The following KCNG3 variants were observed in gnomAD, a reference collection of about 807,000 sequenced individuals.
The protein encoded by KCNG3 is voltage-gated potassium channel regulatory subunit KCNG3.
KCNG3 carries 15 observed loss-of-function variants against 29.0 expected under a neutral mutation model. The observed-to-expected ratio is 0.52, with a 90% CI of 0.35 to 0.80. KCNG3 has a LOEUF of 0.80. Ranked by LOEUF, KCNG3 falls within the 30% of genes least tolerant of loss-of-function variation. The probability of loss-of-function intolerance (pLI) is 0.01; values close to 1 mark genes in which losing one functional copy is unlikely to be tolerated. For synonymous variants in KCNG3, 322 were observed against 248.9 expected (o/e 1.29, Z -2.76); for missense variants, 512 against 605.7 (o/e 0.85, Z 1.62).
chr2:42,398,117 G>C, the KCNG3 span, among the ~76,000 whole-genome samples: 2 of 152,018 alleles, frequency 1.3e-5, no homozygotes, highest in African/African-American at 4.8e-5. Context: ...CAGCTACTCG[G>C]AAGGCTGAGG....
At chr2:42,483,406 T>A (rs1673640478) in intron 1 of KCNG3, among the ~76,000 whole-genome samples, 1 of 152,210 alleles carries the variant, frequency 6.6e-6, no homozygotes, top group Non-Finnish European at 1.5e-5. Flanking sequence ...TTTGCAAGGA[T>A]ATGTGGAAAT....
chr2:42,398,213 ACT>A, the KCNG3 span, among the ~76,000 whole-genome samples: 4 of 149,838 alleles, frequency 2.7e-5, no homozygotes, highest in African/African-American at 9.8e-5. Flanking sequence ...ACAGAGCGAG[ACT>A]CTGTCTCAAA....
the KCNG3 span, among the ~76,000 whole-genome samples, chr2:42,390,058 G>A: frequency 5.3e-5 from 8 of 152,180 alleles, no homozygotes; most frequent in Non-Finnish European, 8.8e-5. Flanking sequence ...CCAAGGGGAA[G>A]GCTCTCTATG....
At chr2:42,480,089 C>T (rs1196318085) in intron 1 of KCNG3, among the ~76,000 whole-genome samples, 1 of 152,184 alleles carries the variant, frequency 6.6e-6, no homozygotes, top group Non-Finnish European at 1.5e-5. Context: ...TGATATCCCA[C>T]ACCAACCATA....
chr2:42,484,487 A>G (rs1673671867), intron 1 of KCNG3, among the ~76,000 whole-genome samples: 1 of 152,074 alleles, frequency 6.6e-6, no homozygotes, highest in Non-Finnish European at 1.5e-5. Flanking sequence ...ATAAATAATA[A>G]AAGAGAAAAT....
intron 1 of KCNG3, among the ~76,000 whole-genome samples, chr2:42,478,047 A>G (rs1460230583): frequency 6.6e-6 from 1 of 152,092 alleles, no homozygotes; most frequent in African/African-American, 2.4e-5. Context: ...CCTTTACCAC[A>G]GGCACGTTCT....
chr2:42,418,882 T>A, the KCNG3 span, among the ~76,000 whole-genome samples: 1 of 152,200 alleles, frequency 6.6e-6, no homozygotes, highest in Non-Finnish European at 1.5e-5. Context: ...GCACATAATA[T>A]TCACTTTTTT....
At chr2:42,435,164 A>G in the KCNG3 span, among the ~76,000 whole-genome samples, 3 of 152,034 alleles carry the variant, frequency 2.0e-5, no homozygotes, top group South Asian at 4.1e-4. Flanking sequence ...TTAGCCAGGC[A>G]TGGTGGCGCA....
At chr2:42,462,515 C>T (rs1434258658) in intron 1 of KCNG3, among the ~76,000 whole-genome samples, 1 of 152,028 alleles carries the variant, frequency 6.6e-6, no homozygotes, top group Admixed American at 6.6e-5. Context: ...AACCCCGTCT[C>T]TACTAAAAAT....
the KCNG3 span, among the ~76,000 whole-genome samples, chr2:42,398,343 T>A: frequency 6.6e-6 from 1 of 152,112 alleles, no homozygotes; most frequent in Non-Finnish European, 1.5e-5. Context: ...CATGGTTGCT[T>A]CCATCATTTT....
chr2:42,419,801 A>G, the KCNG3 span, among the ~76,000 whole-genome samples: 3 of 152,238 alleles, frequency 2.0e-5, no homozygotes, highest in Non-Finnish European at 4.4e-5. Context: ...TGAGGAGACA[A>G]CAGGTCATGT....
chr2:42,416,804 T>A, the KCNG3 span, among the ~76,000 whole-genome samples: 1 of 145,508 alleles, frequency 6.9e-6, no homozygotes, highest in Non-Finnish European at 1.5e-5. Context: ...GGTGACAGAG[T>A]GAGTCCCCTG....
At chr2:42,392,786 C>T in the KCNG3 span, among the ~76,000 whole-genome samples, 2 of 151,942 alleles carry the variant, frequency 1.3e-5, no homozygotes, top group African/African-American at 2.4e-5. Context: ...TAGTAAGCTT[C>T]AGTTCTTTGA....
chr2:42,491,863 G>A (rs1204033935), intron 1 of KCNG3, among the ~76,000 whole-genome samples: 1 of 152,164 alleles, frequency 6.6e-6, no homozygotes, highest in Non-Finnish European at 1.5e-5. Context: ...TTTAAAAAAT[G>A]AATGGAAGGA....
the KCNG3 span, among the ~76,000 whole-genome samples, chr2:42,391,174 G>A: frequency 6.6e-6 from 1 of 152,174 alleles, no homozygotes; most frequent in African/African-American, 2.4e-5. Flanking sequence ...TCTTTATTAA[G>A]AATGAGGGGA....
chr2:42,398,977 T>G, the KCNG3 span, among the ~76,000 whole-genome samples: 1 of 152,342 alleles, frequency 6.6e-6, no homozygotes, highest in East Asian at 1.9e-4. Context: ...GGCTCATCTT[T>G]TGTGAACTGC....
the KCNG3 span, among the ~76,000 whole-genome samples, chr2:42,394,214 G>C: frequency 6.6e-6 from 1 of 152,150 alleles, no homozygotes; most frequent in Non-Finnish European, 1.5e-5. Context: ...ATGCTGCAGG[G>C]GAAGCTTGGA....
chr2:42,477,556 T>C (rs1673470228), intron 1 of KCNG3, among the ~76,000 whole-genome samples: 1 of 150,426 alleles, frequency 6.6e-6, no homozygotes, highest in South Asian at 2.1e-4. Flanking sequence ...GCCTCCCAAG[T>C]AGCTGGTCAA....
intron 1 of KCNG3, among the ~76,000 whole-genome samples, chr2:42,475,621 C>T (rs1256205743): frequency 2.0e-4 from 30 of 148,936 alleles, no homozygotes; most frequent in African/African-American, 7.2e-4. Flanking sequence ...TGAGCTGCTG[C>T]GCCCGGTCTG....
Sources: gnomAD v4.1 joint callset for allele counts (sites outside exome capture counted in the v4.1 genomes callset) on GRCh38, gnomAD v4.1.1 for gene constraint, MANE v1.5 for transcripts, NCBI Gene and HGNC (gene_info 2026-07-23, HGNC 2026-07-21) for gene names.